The following ADGRL2 variants were observed in gnomAD, a reference collection of about 807,000 sequenced individuals.
ADGRL2 encodes adhesion G protein-coupled receptor L2, also known as calcium-independent alpha-latrotoxin receptor 2.
ADGRL2 carries 44 observed loss-of-function variants against 157.4 expected under a neutral mutation model. That is an observed-to-expected ratio of 0.28 (90% CI 0.22 to 0.36). The LOEUF is 0.36. Among genes scored for constraint, ADGRL2 ranks in the 10% least tolerant of loss-of-function variants. The pLI is 1.00. For missense variants in ADGRL2, 1,510 were observed against 1,768.9 expected, an observed-to-expected ratio of 0.85 and a Z score of 2.63; for synonymous variants, 585 against 624.7, an observed-to-expected ratio of 0.94 and a Z score of 0.95.
chr1:81,308,541 T>C (rs1308012382), intron 1 of ADGRL2, among the ~76,000 whole-genome samples: 2 of 152,106 alleles, frequency 1.3e-5, no homozygotes, highest in Non-Finnish European at 2.9e-5. Flanking sequence ...AAGCTGAGGA[T>C]AGATATAAAA....
At chr1:81,312,459 A>G (rs1408287118) in intron 1 of ADGRL2, among the ~76,000 whole-genome samples, 1 of 152,188 alleles carries the variant, frequency 6.6e-6, no homozygotes, top group South Asian at 2.1e-4. Context: ...AAACGTGGAT[A>G]GAAAGCAGAA....
At chr1:81,903,968 G>T (rs2151694625) in intron 2 of ADGRL2, among the ~76,000 whole-genome samples, 1 of 151,490 alleles carries the variant, frequency 6.6e-6, no homozygotes, top group Non-Finnish European at 1.5e-5. Context: ...TATTTTTTTG[G>T]TGGGGGAGAT....
rs1412217990 is a variant in ADGRL2 at position 81,992,291 on chromosome 1, G to A, written c.*1146G>A. 6.6e-6 allele frequency: 1 copy of A among 152,486 alleles called. No homozygotes were observed. The highest frequency in any genetic ancestry group is 6.6e-5 in the Admixed American group (1 of 15,258). 9.4% of individuals were successfully genotyped at this position (152,486 alleles called of 1,614,324 possible). On this transcript the variant is annotated 3_prime_UTR_variant, in exon 24 of 24. Transcript: ENST00000686636. ...TTTTATGATAAAGTTCTAATGAAAT[G>A]TAAATTGTTTCAGCAAAATTCTGCT...
At chr1:81,649,175 C>A (rs1321124099) in intron 3 of ADGRL2, among the ~76,000 whole-genome samples, 3 of 152,182 alleles carry the variant, frequency 2.0e-5, no homozygotes, top group Non-Finnish European at 4.4e-5. Context: ...GTTTCCAGAG[C>A]CCTAAGGCCT....
intron 1 of ADGRL2, among the ~76,000 whole-genome samples, chr1:81,418,133 T>C (rs2077063593): frequency 6.6e-6 from 1 of 152,212 alleles, no homozygotes; most frequent in South Asian, 2.1e-4. Context: ...TAACTACCAA[T>C]GTATGCTAGG....
intron 1 of ADGRL2, among the ~76,000 whole-genome samples, chr1:81,714,620 G>A (rs1024339679): frequency 1.8e-4 from 28 of 152,152 alleles, no homozygotes; most frequent in Admixed American, 6.5e-5. Context: ...AGGGGATAAA[G>A]AAGATTTAGA....
intron 1 of ADGRL2, among the ~76,000 whole-genome samples, chr1:81,729,808 T>C (rs1477173693): frequency 6.6e-6 from 1 of 152,238 alleles, no homozygotes; most frequent in African/African-American, 2.4e-5. Context: ...ATCTCCATCA[T>C]TAATATCATT....
chr1:81,380,056 C>T (rs2076317287), intron 1 of ADGRL2, among the ~76,000 whole-genome samples: 1 of 152,298 alleles, frequency 6.6e-6, no homozygotes, highest in African/African-American at 2.4e-5. Flanking sequence ...GTGAATTCAT[C>T]TCTCGCTTTC....
At chr1:81,513,218 A>G (rs1327385266) in intron 2 of ADGRL2, among the ~76,000 whole-genome samples, 1 of 152,134 alleles carries the variant, frequency 6.6e-6, no homozygotes, top group East Asian at 1.9e-4. Flanking sequence ...TTTGCTGAGG[A>G]CAAAGCTAGA....
At chr1:81,375,335 T>C (rs1286420051) in intron 1 of ADGRL2, among the ~76,000 whole-genome samples, 1 of 152,088 alleles carries the variant, frequency 6.6e-6, no homozygotes, top group Non-Finnish European at 1.5e-5. Flanking sequence ...GAAGATGAAG[T>C]GGAGCGGTAA....
chr1:81,720,225 C>T (rs1201531012), intron 1 of ADGRL2, among the ~76,000 whole-genome samples: 1 of 148,486 alleles, frequency 6.7e-6, no homozygotes. Context: ...CTCTGTCACC[C>T]TGGCTAGAGT....
chr1:81,644,832 C>T (rs1350728620), intron 3 of ADGRL2, among the ~76,000 whole-genome samples: 1 of 152,040 alleles, frequency 6.6e-6, no homozygotes, highest in Non-Finnish European at 1.5e-5. Context: ...ATCTCTGTGC[C>T]TTCTATTCAA....
chr1:81,400,025 G>A (rs1180090651), intron 1 of ADGRL2, among the ~76,000 whole-genome samples: 3 of 151,958 alleles, frequency 2.0e-5, no homozygotes, highest in African/African-American at 2.4e-5. Flanking sequence ...TAGACAGAAC[G>A]GTGTTCTTAA....
chr1:81,552,783 T>A (rs1305718000), intron 2 of ADGRL2, among the ~76,000 whole-genome samples: 1 of 152,158 alleles, frequency 6.6e-6, no homozygotes, highest in Non-Finnish European at 1.5e-5. Flanking sequence ...CAGACATGGT[T>A]TTCTTATAAT....
At chr1:81,413,497 T>G (rs750625979) in intron 1 of ADGRL2, among the ~76,000 whole-genome samples, 4 of 152,184 alleles carry the variant, frequency 2.6e-5, no homozygotes, top group Non-Finnish European at 5.9e-5. Context: ...CGGATGCCCT[T>G]ATGATATAGC....
chr1:81,607,606 C>G (rs911715525), intron 3 of ADGRL2, among the ~76,000 whole-genome samples: 1 of 152,172 alleles, frequency 6.6e-6, no homozygotes, highest in East Asian at 1.9e-4. Flanking sequence ...TAAGAAAGAA[C>G]ACCTTTCCTT....
chr1:81,836,817 GGAGA>G, intron 1 of ADGRL2, 64 bp from the exon 2 acceptor site: 1 of 482,608 alleles, frequency 2.1e-6, no homozygotes, highest in Non-Finnish European at 3.7e-6. Context: ...AGAGAGGAAC[GGAGA>G]GAGAGAATTG....
chr1:81,891,248 A>G (rs933228315), intron 2 of ADGRL2, among the ~76,000 whole-genome samples: 1 of 151,454 alleles, frequency 6.6e-6, no homozygotes, highest in Non-Finnish European at 1.5e-5. Context: ...TTGTTTTATG[A>G]TGTTTTGCAT....
At chr1:81,549,270 C>T (rs1024525748) in intron 2 of ADGRL2, among the ~76,000 whole-genome samples, 5 of 151,890 alleles carry the variant, frequency 3.3e-5, no homozygotes, top group Non-Finnish European at 7.4e-5. Flanking sequence ...AACAGGAGGA[C>T]AAAACAGAAA....
Sources: allele counts gnomAD v4.1 joint callset (sites outside exome capture counted in the v4.1 genomes callset), GRCh38; gene constraint gnomAD v4.1.1; transcripts MANE v1.5; gene names NCBI Gene and HGNC (gene_info 2026-07-23, HGNC 2026-07-21).